SHLD1: variants seen among roughly 807,000 people sequenced by gnomAD.
The protein encoded by SHLD1 is RINN1-REV7-interacting novel NHEJ regulator 3.
In SHLD1, 3 loss-of-function variants were observed where a neutral mutation model predicts 5.5. The observed-to-expected ratio is 0.54, with a 90% CI of 0.25 to 1.40. The LOEUF (loss-of-function observed/expected upper bound fraction) is 1.40, where lower values mean the gene tolerates loss of function less well. SHLD1 is among the 40% of genes most tolerant of loss of function. SHLD1 has a pLI of 0.15. For synonymous variants in SHLD1, 92 were observed against 94.3 expected, an observed-to-expected ratio of 0.98 and a Z score of 0.14; for missense variants, 210 against 244.4, an observed-to-expected ratio of 0.86 and a Z score of 0.94.
intron 2 of SHLD1, among the ~76,000 whole-genome samples, chr20:5,816,417 T>C (rs1054216868): frequency 6.6e-6 from 1 of 152,222 alleles, no homozygotes; most frequent in Non-Finnish European, 1.5e-5. Flanking sequence ...AAAAGGTTGC[T>C]TTCTACTGAA....
intron 2 of SHLD1, among the ~76,000 whole-genome samples, chr20:5,849,449 A>T (rs1204727553): frequency 6.6e-6 from 1 of 152,182 alleles, no homozygotes; most frequent in African/African-American, 2.4e-5. Flanking sequence ...AAGTCTGTAG[A>T]CACCTTATTG....
At position 5,852,121 on chromosome 20, in the gene SHLD1, G is replaced by A. The variant is rs6038304; in HGVS notation, c.179-10903G>A. Among the ~76,000 whole-genome samples the A allele has an allele frequency of 4.5e-3, 684 of 152,174 alleles. 6 individuals carry two copies. The highest frequency in any genetic ancestry group is 0.016 in the African/African-American group (655 of 41,518). On this transcript the variant is annotated intron_variant, in intron 2 of 2. Transcript: ENST00000303142. Reference sequence around the variant, plus strand: ...CCTTAGAAGCCTAGCAGATGCCAGCGCCATGCTTGTACAGCCTGCAGAACT... The same window carrying A: ...CCTTAGAAGCCTAGCAGATGCCAGCACCATGCTTGTACAGCCTGCAGAACT...
chr20:5,773,159 T>C (rs1314358866), intron 2 of SHLD1, 116 bp downstream of exon 2: 1 of 1,222,870 alleles, frequency 8.2e-7, no homozygotes, highest in South Asian at 1.2e-5. Flanking sequence ...TTCATTGTCT[T>C]AGGCAGAAAA....
intron 2 of SHLD1, among the ~76,000 whole-genome samples, chr20:5,782,784 A>G (rs932590418): frequency 3.9e-5 from 6 of 152,204 alleles, no homozygotes; most frequent in Non-Finnish European, 7.3e-5. Context: ...CTTCCTCTCT[A>G]TAATTCATAT....
chr20:5,783,298 C>T (rs1258331011), intron 2 of SHLD1, among the ~76,000 whole-genome samples: 1 of 152,118 alleles, frequency 6.6e-6, no homozygotes, highest in African/African-American at 2.4e-5. Context: ...GGTCTCGGCT[C>T]ACTGCGACCT....
intron 2 of SHLD1, among the ~76,000 whole-genome samples, chr20:5,848,579 A>G (rs997500679): frequency 6.6e-6 from 1 of 152,220 alleles, no homozygotes; most frequent in Non-Finnish European, 1.5e-5. Flanking sequence ...TAAGTGTTTC[A>G]TAAGAAGAAA....
intron 2 of SHLD1, among the ~76,000 whole-genome samples, chr20:5,839,829 G>T (rs2122464650): frequency 6.6e-6 from 1 of 152,320 alleles, no homozygotes; most frequent in South Asian, 2.1e-4. Context: ...AATGTGAGGA[G>T]CTGGCAGTTG....
chr20:5,768,719 G>C (rs1276868102), intron 1 of SHLD1, among the ~76,000 whole-genome samples: 1 of 152,050 alleles, frequency 6.6e-6, no homozygotes, highest in Non-Finnish European at 1.5e-5. Flanking sequence ...CTTACACATG[G>C]CATTTTATTT....
At chr20:5,860,649 A>G (rs1192867805) in intron 2 of SHLD1, among the ~76,000 whole-genome samples, 1 of 152,006 alleles carries the variant, frequency 6.6e-6, no homozygotes, top group African/African-American at 2.4e-5. Flanking sequence ...CTGGGACAGT[A>G]GCTCAGTCCT....
rs1503896 is a variant in SHLD1, at chr20:5,862,931, T to C, written c.179-93T>C. 10 of 1,086,938 alleles carry C rather than the reference T, an allele frequency of 9.2e-6. No homozygotes were observed. In the South Asian group the frequency reaches 9.6e-5, roughly 10 times the overall value. The allele number at this position is 1,086,938 out of a possible 1,614,324, so 67.3% of individuals were successfully genotyped here. On this transcript the variant is annotated intron_variant, in intron 2 of 2. Coordinates refer to ENST00000303142, the MANE Select transcript of SHLD1 (RefSeq NM_152504.4). ...GCCAGTTACTCAGGAACAGTAAGCA[T>C]GTTGAACTGAAAATAGACATCATCT...
At chr20:5,846,787 A>G (rs1457701642) in intron 2 of SHLD1, among the ~76,000 whole-genome samples, 1 of 152,208 alleles carries the variant, frequency 6.6e-6, no homozygotes, top group Non-Finnish European at 1.5e-5. Context: ...GGGAGAGTTG[A>G]TCCAGATAAT....
chr20:5,825,587 A>G (rs1029897580), intron 2 of SHLD1, among the ~76,000 whole-genome samples: 1 of 152,226 alleles, frequency 6.6e-6, no homozygotes, highest in Non-Finnish European at 1.5e-5. Context: ...GCCACTTAAA[A>G]TAACAAGGCC....
intron 2 of SHLD1, among the ~76,000 whole-genome samples, chr20:5,774,351 C>G (rs1010361086): frequency 1.4e-4 from 21 of 152,132 alleles, no homozygotes; most frequent in African/African-American, 5.1e-4. Flanking sequence ...ACTGTCATTG[C>G]CTTCAAGAAT....
At position 5,848,708 on chromosome 20, in the gene SHLD1, T is replaced by C. The variant is rs368062251; in HGVS notation, c.179-14316T>C. Among the ~76,000 whole-genome samples the C allele has an allele frequency of 7.9e-5, 12 of 152,356 alleles. No individual in the cohort carries two copies. In the East Asian group the frequency reaches 1.2e-3, roughly 15 times the overall value. On this transcript the variant is annotated intron_variant, in intron 2 of 2. Transcript: ENST00000303142. ...TAAAATGCCAAAGTAGAAGATTGCT[T>C]ACAAATCAGAACATTGGTCTTATTA...
intron 1 of SHLD1, among the ~76,000 whole-genome samples, chr20:5,766,961 T>C (rs926489351): frequency 2.6e-5 from 4 of 152,096 alleles, no homozygotes; most frequent in African/African-American, 9.7e-5. Flanking sequence ...GTTCTGACTG[T>C]CGTTTTAACA....
At chr20:5,756,656 A>C (rs547264161) in intron 1 of SHLD1, 1 of 157,298 alleles carries the variant, frequency 6.4e-6, no homozygotes, top group South Asian at 1.2e-4. Context: ...TTTTTAGCAG[A>C]TTCCTTAGGA....
intron 1 of SHLD1, among the ~76,000 whole-genome samples, chr20:5,768,933 G>A (rs1301075787): frequency 7.0e-6 from 1 of 143,726 alleles, no homozygotes; most frequent in African/African-American, 2.6e-5. Context: ...GTAAGACACA[G>A]GTCTCACTCT....
intron 2 of SHLD1, among the ~76,000 whole-genome samples, chr20:5,837,606 G>T (rs1307985754): frequency 6.6e-6 from 1 of 152,096 alleles, no homozygotes; most frequent in Non-Finnish European, 1.5e-5. Flanking sequence ...GAGGATAATG[G>T]CTTCCAGTTC....
chr20:5,826,631 A>G (rs932956359), intron 2 of SHLD1, among the ~76,000 whole-genome samples: 6 of 152,010 alleles, frequency 3.9e-5, no homozygotes, highest in Non-Finnish European at 8.8e-5. Context: ...CCTCAATCGG[A>G]GTAGTCAGTT....
Sources: allele counts gnomAD v4.1 joint callset (sites outside exome capture counted in the v4.1 genomes callset), GRCh38; gene constraint gnomAD v4.1.1; transcripts MANE v1.5; gene names NCBI Gene and HGNC (gene_info 2026-07-23, HGNC 2026-07-21).